Variants in LIN28B observed in about 807,000 individuals in gnomAD.
The protein encoded by LIN28B is protein lin-28 homolog B.
Under a neutral mutation model 21.9 loss-of-function variants are expected in LIN28B, and 5 were observed. The ratio of observed to expected loss-of-function variants is 0.23; its 90% CI spans 0.12 to 0.48. The LOEUF (loss-of-function observed/expected upper bound fraction) is 0.48. Among genes scored for constraint, LIN28B ranks in the 20% least tolerant of loss-of-function variants. LIN28B has a pLI of 0.98. For synonymous variants in LIN28B, 109 were observed against 111.3 expected, an observed-to-expected ratio of 0.98 and a Z score of 0.13; for missense variants, 245 against 310.5, an observed-to-expected ratio of 0.79 and a Z score of 1.58.
intron 2 of LIN28B, among the ~76,000 whole-genome samples, chr6:104,988,918 A>C (rs1338343280): frequency 1.3e-5 from 2 of 152,036 alleles, no homozygotes; most frequent in African/African-American, 4.8e-5. Flanking sequence ...CAACCTTTGC[A>C]AGTTGTGTTT....
intron 2 of LIN28B, among the ~76,000 whole-genome samples, chr6:105,020,390 T>G (rs886433070): frequency 2.0e-5 from 3 of 151,980 alleles, no homozygotes; most frequent in African/African-American, 7.2e-5. Flanking sequence ...CAGGCTGTTA[T>G]AGAAAACAGC....
intron 3 of LIN28B, among the ~76,000 whole-genome samples, chr6:105,046,403 ATCCAG>A (rs1355492942): frequency 6.6e-6 from 1 of 152,134 alleles, no homozygotes; most frequent in Non-Finnish European, 1.5e-5. Context: ...CATTTTCTTA[ATCCAG>A]TCTATCATTG....
intron 2 of LIN28B, among the ~76,000 whole-genome samples, chr6:104,981,246 ACTCACT>A (rs1770217515): frequency 6.6e-6 from 1 of 151,422 alleles, no homozygotes; most frequent in African/African-American, 2.4e-5. Flanking sequence ...TTCTACCCCC[ACTCACT>A]CTTTCTGGTG....
intron 3 of LIN28B, among the ~76,000 whole-genome samples, chr6:105,057,733 CTT>C (rs1562109571): frequency 6.6e-6 from 1 of 151,220 alleles, no homozygotes; most frequent in Non-Finnish European, 1.5e-5. Context: ...CTATAAATTA[CTT>C]TTTTCTATAT....
chr6:105,018,265 C>T (rs1771068962), intron 2 of LIN28B, among the ~76,000 whole-genome samples: 1 of 152,056 alleles, frequency 6.6e-6, no homozygotes, highest in Non-Finnish European at 1.5e-5. Context: ...ACAGCCTGGG[C>T]AAAGAGTGAG....
chr6:105,026,954 A>G (rs941393398), intron 3 of LIN28B, among the ~76,000 whole-genome samples: 9 of 152,134 alleles, frequency 5.9e-5, no homozygotes, highest in Non-Finnish European at 1.3e-4. Context: ...GGTATTTTGA[A>G]ACTTGTAATT....
chr6:104,998,711 T>C (rs1562087240), intron 2 of LIN28B, among the ~76,000 whole-genome samples: 1 of 152,198 alleles, frequency 6.6e-6, no homozygotes, highest in Non-Finnish European at 1.5e-5. Context: ...ATGAGTGAAA[T>C]ATTTTATTCC....
intron 3 of LIN28B, among the ~76,000 whole-genome samples, chr6:105,063,601 A>G (rs1582927873): frequency 7.5e-6 from 1 of 133,764 alleles, no homozygotes; most frequent in South Asian, 2.4e-4. Flanking sequence ...GCGCCACTGC[A>G]CTCCAGCCTG....
intron 2 of LIN28B, among the ~76,000 whole-genome samples, chr6:104,989,576 GTTTTTTT>G (rs34394074): frequency 1.5e-4 from 9 of 60,596 alleles, no homozygotes; most frequent in South Asian, 8.7e-4. Context: ...TTTTACTTGG[GTTTTTTT>G]TTTTTTTTTT....
intron 2 of LIN28B, among the ~76,000 whole-genome samples, chr6:104,959,294 T>A (rs777063937): frequency 1.2e-4 from 19 of 152,126 alleles, no homozygotes; most frequent in Non-Finnish European, 2.5e-4. Context: ...TAATCTAAGT[T>A]AAAAAGAATT....
intron 3 of LIN28B, among the ~76,000 whole-genome samples, chr6:105,062,533 T>G (rs1338332336): frequency 1.3e-5 from 2 of 152,110 alleles, no homozygotes; most frequent in Non-Finnish European, 2.9e-5. Context: ...AAAACTGCAT[T>G]GGAAATTAGC....
chr6:104,961,242 T>C (rs1769732371), intron 2 of LIN28B, among the ~76,000 whole-genome samples: 2 of 152,186 alleles, frequency 1.3e-5, no homozygotes, highest in Admixed American at 1.3e-4. Flanking sequence ...TTTTGTCATA[T>C]CTCACTGTTG....
rs1312978697 is a variant in LIN28B at position 105,023,608 on chromosome 6, A to ATATTATATTTTATATAAT, written c.199-2687_199-2686insTATATTTTATATAATTAT. On this transcript the variant is annotated intron_variant, in intron 2 of 3. Coordinates refer to ENST00000345080, the MANE Select transcript of LIN28B (RefSeq NM_001004317.4). ...ATTATATATATTATATATATAAAATATATAATATATATTATATATTTTATA... is the reference window on the plus strand; with the variant it reads ...ATTATATATATTATATATATAAAATATATTATATTTTATATAATTATAATATATATTATATATTTTATA... Among the ~76,000 whole-genome samples the ATATTATATTTTATATAAT allele has an allele frequency of 6.5e-4, 48 of 73,796 alleles. 6 individuals are homozygous for ATATTATATTTTATATAAT. The highest frequency in any genetic ancestry group is 2.5e-3 in the African/African-American group (47 of 18,578). The allele number at this position is 73,796 out of a possible 152,430, so 48.4% of individuals were successfully genotyped here.
At chr6:104,953,279 T>C (rs1323734451), upstream of LIN28B, among the ~76,000 whole-genome samples, 1 of 152,142 alleles carries the variant, frequency 6.6e-6, no homozygotes, top group Non-Finnish European at 1.5e-5. Flanking sequence ...GCGCCGGGTT[T>C]GCTGGAAGAC....
intron 3 of LIN28B, among the ~76,000 whole-genome samples, chr6:104,952,097 C>T (rs886391036): frequency 6.6e-6 from 1 of 152,134 alleles, no homozygotes; most frequent in African/African-American, 2.4e-5. Flanking sequence ...GGAGACAGTC[C>T]ACATTCTTAT....
intron 2 of LIN28B, among the ~76,000 whole-genome samples, chr6:104,979,833 T>G (rs151192111): frequency 2.9e-4 from 44 of 152,330 alleles, no homozygotes; most frequent in African/African-American, 1.1e-3. Flanking sequence ...TCTTTAAAAA[T>G]GAGTAAACCT....
At chr6:105,051,576 C>T (rs774392295) in intron 3 of LIN28B, among the ~76,000 whole-genome samples, 3 of 151,560 alleles carry the variant, frequency 2.0e-5, no homozygotes, top group Non-Finnish European at 4.4e-5. Flanking sequence ...AATAGAAAGA[C>T]GTATACTCTG....
chr6:104,951,963 C>T (rs1778225970), intron 3 of LIN28B, among the ~76,000 whole-genome samples: 1 of 152,152 alleles, frequency 6.6e-6, no homozygotes. Context: ...TCTTTAAAGC[C>T]TGAAGATTTC....
chr6:104,975,879 G>A (rs140889400), intron 2 of LIN28B, among the ~76,000 whole-genome samples: 275 of 141,984 alleles, frequency 1.9e-3, no homozygotes, highest in Admixed American at 3.6e-3. Flanking sequence ...GTTTCACCAC[G>A]TCGTCCAGGC....
Sources: allele counts gnomAD v4.1 joint callset (sites outside exome capture counted in the v4.1 genomes callset), GRCh38; gene constraint gnomAD v4.1.1; transcripts MANE v1.5; gene names NCBI Gene and HGNC (gene_info 2026-07-23, HGNC 2026-07-21).